The following FAT4 variants were observed in gnomAD, a reference collection of about 807,000 sequenced individuals.
The protein encoded by FAT4 is FAT atypical cadherin 4.
FAT4 carries 84 observed loss-of-function variants against 303.9 expected under a neutral mutation model. The observed-to-expected ratio is 0.28, with a 90% CI of 0.23 to 0.33. FAT4 has a LOEUF of 0.33. Among genes scored for constraint, FAT4 ranks in the 10% least tolerant of loss-of-function variants. The pLI, the probability that FAT4 is intolerant of heterozygous loss-of-function variation, is 1.00. For missense variants in FAT4, 6,005 were observed against 6,146.8 expected, an observed-to-expected ratio of 0.98 and a Z score of 0.77; for synonymous variants, 2,307 against 2,298.8, an observed-to-expected ratio of 1.00 and a Z score of -0.10.
In FAT4 at chr4:125,316,552, G is replaced by T; in HGVS notation, c.141G>T (p.Gln47His). ...GGGTCCACGGGGCCGAGCCGCGCCA[G>T]GTGTTCCAAGTGCTGGAAGAGCAAC... is the stretch of plus-strand genomic sequence containing the variant. ...QAWVHGAEPR[Q>H]VFQVLEEQPP... The change falls in exon 2 of 18, where the codon CAG becomes CAT. Residue 47 changes from glutamine (Q) to histidine (H), a missense_variant. Physicochemically the swap from Gln to His is conservative, Grantham distance 24. Transcript: ENST00000394329. This position sits in a 1 kb window ranked among gnomAD's most constrained non-coding sequence, Gnocchi z 5.7. The T allele has an allele frequency of 2.5e-6, 4 of 1,614,080 alleles. No individual in the cohort carries two copies. The highest frequency in any genetic ancestry group is 3.4e-6 in the Non-Finnish European group (4 of 1,180,044).
intron 8 of FAT4, among the ~76,000 whole-genome samples, chr4:125,439,061 G>A (rs961273400): frequency 3.9e-5 from 6 of 152,054 alleles, no homozygotes; most frequent in Admixed American, 2.6e-4. Flanking sequence ...TACAAATGGT[G>A]TACTTACTTT....
intron 2 of FAT4, among the ~76,000 whole-genome samples, chr4:125,349,764 T>G (rs2125976677): frequency 6.6e-6 from 1 of 151,794 alleles, no homozygotes. Flanking sequence ...AGATTCCCGT[T>G]ATATAAAGAT....
rs572603647 is a variant in FAT4 at position 125,440,402 on chromosome 4, A to G, written c.7200-5891A>G. On this transcript the variant is annotated intron_variant, in intron 8 of 17. Coordinates refer to ENST00000394329, the MANE Select transcript of FAT4 (RefSeq NM_001291303.3). ...TCCTTATTCTCCTTTACTTTTTGCA[A>G]TGTTCACACTACAGGCCAGGCCATC... Among the ~76,000 whole-genome samples the G allele has an allele frequency of 3.3e-5, 5 of 151,822 alleles. No individual in the cohort carries two copies. The South Asian group carries it at 1.0e-3, about 32-fold the overall frequency.
chr4:125,378,355 A>G (rs1158323669), intron 2 of FAT4, among the ~76,000 whole-genome samples: 1 of 152,102 alleles, frequency 6.6e-6, no homozygotes, highest in Non-Finnish European at 1.5e-5. Flanking sequence ...AGTAACTCCT[A>G]TAGAAATATT....
Position 125,416,574 on chromosome 4 carries a change from C to G in FAT4, c.6970C>G (p.Arg2324Gly), listed in dbSNP as rs559079176. 6.2e-7 allele frequency: 1 copy of G among 1,613,868 alleles called. No homozygotes were observed. Among genetic ancestry groups the G allele is most frequent in the Non-Finnish European group, 8.5e-7 (1 of 1,179,856 alleles). Reference protein sequence around the residue: ...GELGVTQSLDRETKERFVLMI... With the variant: ...GELGVTQSLDGETKERFVLMI... ...ACTTGGAGTAACACAGAGTCTGGAT[C>G]GGGAAACAAAAGAGCGCTTTGTCTT... Residue 2324 changes from arginine (R) to glycine (G), a missense_variant, in exon 7 of 18, where the codon CGG becomes GGG. Coordinates refer to ENST00000394329, the MANE Select transcript of FAT4 (RefSeq NM_001291303.3).
At chr4:125,360,114 TTAATC>T (rs1732596654) in intron 2 of FAT4, among the ~76,000 whole-genome samples, 1 of 152,142 alleles carries the variant, frequency 6.6e-6, no homozygotes, top group South Asian at 2.1e-4. Flanking sequence ...TTCTTTTCTG[TTAATC>T]TATTAATCAG....
At chr4:125,416,022 A>G (rs890765512) in intron 6 of FAT4, among the ~76,000 whole-genome samples, 1 of 152,158 alleles carries the variant, frequency 6.6e-6, no homozygotes. Flanking sequence ...TTTGTATTTT[A>G]CTAGCTTTCT....
rs375970737 is a variant in FAT4 at position 125,318,019 on chromosome 4, C to T, written c.1608C>T (p.Ser536=). ...SEHSGLVTTG[S]SGGLDRELAS... ...ATAGCGGCCTCGTGACCACTGGGTC[C>T]TCTGGGGGCCTGGACCGTGAACTTG... The change falls in exon 2 of 18, where the codon TCC becomes TCT. Residue 536 remains serine (S), a synonymous_variant. Coordinates refer to ENST00000394329, the MANE Select transcript of FAT4 (RefSeq NM_001291303.3). The T allele has an allele frequency of 7.5e-5, 121 of 1,614,052 alleles. 1 individual carries two copies. Among genetic ancestry groups the T allele is most frequent in the Non-Finnish European group, 8.8e-5 (104 of 1,180,020 alleles).
chr4:125,414,799 C>A, intron 5 of FAT4, 85 bp from the exon 6 acceptor site: 1 of 886,010 alleles, frequency 1.1e-6, no homozygotes, highest in Non-Finnish European at 1.8e-6. Flanking sequence ...ATCAAACATG[C>A]CAAATTACTT....
At chr4:125,476,039 A>G (rs1727017228) in intron 12 of FAT4, 132 bp from the exon 13 acceptor site, 1 of 453,812 alleles carries the variant, frequency 2.2e-6, no homozygotes, top group African/African-American at 2.0e-5. Context: ...TGTGATTTAT[A>G]CATTAAATCA....
intron 8 of FAT4, among the ~76,000 whole-genome samples, chr4:125,436,923 C>T (rs1181122631): frequency 1.3e-5 from 2 of 152,036 alleles, no homozygotes; most frequent in African/African-American, 4.8e-5. Context: ...GGCACAATCT[C>T]AGCTCACTGC....
chr4:125,371,536 A>G (rs1372972385), intron 2 of FAT4, among the ~76,000 whole-genome samples: 15 of 151,742 alleles, frequency 9.9e-5, no homozygotes, highest in Admixed American at 8.6e-4. Flanking sequence ...GCTATAAGTA[A>G]TAATATAGAA....
At chr4:125,334,255 A>T (rs922936432) in intron 2 of FAT4, among the ~76,000 whole-genome samples, 5 of 152,080 alleles carry the variant, frequency 3.3e-5, no homozygotes, top group African/African-American at 1.2e-4. Flanking sequence ...TAAAAGAAAG[A>T]TTTTTTGTTA....
intron 2 of FAT4, among the ~76,000 whole-genome samples, chr4:125,322,009 T>C (rs1210212906): frequency 6.6e-6 from 1 of 152,156 alleles, no homozygotes; most frequent in Non-Finnish European, 1.5e-5. Flanking sequence ...CATTGTACCA[T>C]AGCTCTTCAG....
At chr4:125,453,487 T>G (rs565041994) in intron 10 of FAT4, among the ~76,000 whole-genome samples, 1 of 152,080 alleles carries the variant, frequency 6.6e-6, no homozygotes. Flanking sequence ...GGCGGGCAGA[T>G]CACGAGGCTG....
chr4:125,343,379 A>C, intron 2 of FAT4, among the ~76,000 whole-genome samples: 1 of 151,290 alleles, frequency 6.6e-6, no homozygotes, highest in African/African-American at 2.4e-5. Context: ...CATAGCACCA[A>C]GTCCATGGGC....
At chr4:125,343,648 G>A (rs865881715) in intron 2 of FAT4, among the ~76,000 whole-genome samples, 39 of 151,994 alleles carry the variant, frequency 2.6e-4, no homozygotes, top group African/African-American at 8.9e-4. Flanking sequence ...AAGAATATAC[G>A]TTAAAAATAC....
intron 3 of FAT4, among the ~76,000 whole-genome samples, chr4:125,402,787 C>T (rs1734438930): frequency 6.6e-6 from 1 of 151,972 alleles, no homozygotes; most frequent in African/African-American, 2.4e-5. Flanking sequence ...CCAAACTTAC[C>T]TTCTTCCTAA....
Position 125,368,448 on chromosome 4 carries a change from G to A in FAT4, c.5176-30336G>A, listed in dbSNP as rs2055768. ...ATGTGCCTGACTGGTAAAGTCTTTGGAGGGAAGCCAGGAAGTCTGTGATAT... is the reference window on the plus strand; with the variant it reads ...ATGTGCCTGACTGGTAAAGTCTTTGAAGGGAAGCCAGGAAGTCTGTGATAT... On this transcript the variant is annotated intron_variant, in intron 2 of 17. Coordinates refer to ENST00000394329, the MANE Select transcript of FAT4 (RefSeq NM_001291303.3). 9.5e-3 allele frequency among the ~76,000 whole-genome samples: 1,425 copies of A among 149,494 alleles called. 20 individuals carry two copies. The highest frequency in any genetic ancestry group is 0.033 in the African/African-American group (1,362 of 40,844).
Sources: allele counts gnomAD v4.1 joint callset (sites outside exome capture counted in the v4.1 genomes callset), GRCh38; gene constraint gnomAD v4.1.1; non-coding constraint Gnocchi (gnomAD v3.1); transcripts MANE v1.5; gene names NCBI Gene and HGNC (gene_info 2026-07-23, HGNC 2026-07-21).